The following CACNA1C variants were observed in gnomAD, a reference collection of about 807,000 sequenced individuals.
The protein encoded by CACNA1C is calcium voltage-gated channel subunit alpha1 C.
A neutral mutation model predicts 229.0 loss-of-function variants in CACNA1C; 30 were observed. The observed-to-expected ratio is 0.13, with a 90% CI of 0.10 to 0.18. The LOEUF is 0.18. CACNA1C is among the 10% of genes least tolerant of loss of function. The pLI, the probability that CACNA1C is intolerant of heterozygous loss-of-function variation, is 1.00. For synonymous variants in CACNA1C, 1,114 were observed against 1,132.5 expected (o/e 0.98, Z 0.33); for missense variants, 1,658 against 2,845.0 (o/e 0.58, Z 9.49).
chr12:2,662,864 A>C (rs1012354612), intron 34 of CACNA1C, among the ~76,000 whole-genome samples: 1 of 152,272 alleles, frequency 6.6e-6, no homozygotes, highest in Non-Finnish European at 1.5e-5. Flanking sequence ...TTACGGCAGA[A>C]GAAATATTTC....
intron 3 of CACNA1C, among the ~76,000 whole-genome samples, chr12:2,303,123 G>A (rs1166721139): frequency 6.6e-6 from 1 of 152,260 alleles, no homozygotes; most frequent in African/African-American, 2.4e-5. Flanking sequence ...GTGGTTGCAT[G>A]CTGGAGCCGC....
Position 2,053,625 on chromosome 12 carries a change from C to G in CACNA1C, c.49+14C>G. 6.3e-7 allele frequency: 1 copy of G among 1,582,048 alleles called. No homozygotes were observed. Among genetic ancestry groups the G allele is most frequent in the Non-Finnish European group, 8.6e-7 (1 of 1,165,066 alleles). On this transcript the variant is annotated intron_variant, in intron 1 of 46. Transcript: ENST00000399655. The surrounding 1 kb of genome is among the most constrained non-coding windows in gnomAD (Gnocchi z 5.8). ...AAAACCACCAAGGTAAGGCTGGACC[C>G]CGCCGCCTCGCCGGGGCTCCCTGCC... is the stretch of plus-strand genomic sequence containing the variant.
intron 3 of CACNA1C, among the ~76,000 whole-genome samples, chr12:2,126,422 G>A (rs1366287104): frequency 2.6e-5 from 4 of 152,238 alleles, no homozygotes. Context: ...AACAAGCTCT[G>A]CAAGCGGAGC....
rs2097832064 is a variant in CACNA1C, at chr12:2,695,380, A to C, written c.*4181A>C. ...CAGCCACATCAGCCTACCTGGTGGG[A>C]TGTGGGGGTGTCTGCCACCCTGTCC... On this transcript the variant is annotated 3_prime_UTR_variant, in exon 47 of 47. Transcript: ENST00000399655. The C allele has an allele frequency of 6.6e-6, 1 of 152,332 alleles. No individual in the cohort carries two copies. The highest frequency in any genetic ancestry group is 1.5e-5 in the Non-Finnish European group (1 of 68,192). 9.4% of individuals were successfully genotyped at this position (152,332 alleles called of 1,614,324 possible).
chr12:2,113,774 G>A (rs560341175), intron 1 of CACNA1C, among the ~76,000 whole-genome samples: 1 of 152,344 alleles, frequency 6.6e-6, no homozygotes, highest in East Asian at 1.9e-4. Flanking sequence ...AGGCTGAGCT[G>A]ATCGCTTGGC....
At chr12:2,019,552 AGG>A (rs1273229230) in intron 1 of CACNA1C, among the ~76,000 whole-genome samples, 3 of 146,370 alleles carry the variant, frequency 2.0e-5, no homozygotes, top group African/African-American at 5.2e-5. Context: ...GAAGGAAAGA[AGG>A]AAGGAAGGAA....
intron 1 of CACNA1C, among the ~76,000 whole-genome samples, chr12:2,019,474 C>G (rs1593799940): frequency 1.9e-5 from 1 of 53,858 alleles, no homozygotes; most frequent in Non-Finnish European, 3.4e-5. Flanking sequence ...ATAAACATAA[C>G]AAAGAAAGAA....
intron 3 of CACNA1C, among the ~76,000 whole-genome samples, chr12:2,186,555 T>C (rs1263197414): frequency 6.6e-6 from 1 of 152,202 alleles, no homozygotes; most frequent in African/African-American, 2.4e-5. Context: ...GGTCAGGGTC[T>C]GTGAGACAAA....
At chr12:2,565,587 G>A (rs1477989086) in intron 11 of CACNA1C, among the ~76,000 whole-genome samples, 2 of 152,110 alleles carry the variant, frequency 1.3e-5, no homozygotes, top group Admixed American at 6.5e-5. Context: ...AGGTAATTCT[G>A]TGTGTAGCCA....
At chr12:2,373,429 G>A (rs1457597010) in intron 3 of CACNA1C, among the ~76,000 whole-genome samples, 1 of 152,182 alleles carries the variant, frequency 6.6e-6, no homozygotes, top group African/African-American at 2.4e-5. Flanking sequence ...AGGCTGCAAA[G>A]TGAGTGGTCG....
intron 34 of CACNA1C, chr12:2,660,280 A>AT (rs902569110): frequency 3.0e-4 from 45 of 152,292 alleles, no homozygotes; most frequent in African/African-American, 1.1e-3. Flanking sequence ...GTACAAAAAG[A>AT]TGGGGGGGAG....
chr12:2,289,601 A>G (rs1018662340), intron 3 of CACNA1C, among the ~76,000 whole-genome samples: 1 of 151,870 alleles, frequency 6.6e-6, no homozygotes, highest in African/African-American at 2.4e-5. Flanking sequence ...GGTACTAGGG[A>G]CTGGGGATAC....
At chr12:2,532,832 C>T (rs1050588885) in intron 9 of CACNA1C, among the ~76,000 whole-genome samples, 1 of 152,182 alleles carries the variant, frequency 6.6e-6, no homozygotes. Flanking sequence ...GCAGTCGGGC[C>T]CAGGTGAGCC....
At chr12:2,377,557 A>G (rs1214291783) in intron 3 of CACNA1C, among the ~76,000 whole-genome samples, 3 of 152,032 alleles carry the variant, frequency 2.0e-5, no homozygotes, top group Non-Finnish European at 4.4e-5. Flanking sequence ...TGCAATTTCG[A>G]TTGTGGGAAG....
chr12:2,335,912 G>A (rs1237216156), intron 3 of CACNA1C, among the ~76,000 whole-genome samples: 1 of 151,802 alleles, frequency 6.6e-6, no homozygotes, highest in African/African-American at 2.4e-5. Flanking sequence ...AAAAAATCAA[G>A]GCTGATCCTA....
chr12:2,350,657 C>G (rs2097178479), intron 3 of CACNA1C, among the ~76,000 whole-genome samples: 1 of 152,222 alleles, frequency 6.6e-6, no homozygotes, highest in African/African-American at 2.4e-5. Flanking sequence ...TGGTCACCCC[C>G]TCATATGGGC....
rs1569219272 is a variant in CACNA1C at position 2,679,466 on chromosome 12, A to G, written c.5114A>G (p.Asn1705Ser). Reference sequence around the variant, plus strand: ...CAGAGGGCCGGTGGCCTGTTCGGCAACCACGTCAGCTACTACCAAAGCGAC... The same window carrying G: ...CAGAGGGCCGGTGGCCTGTTCGGCAGCCACGTCAGCTACTACCAAAGCGAC... The part of the protein sequence containing the change: ...IFRRAGGLFG[N>S]HVSYYQSDGR... Residue 1705 changes from asparagine (N) to serine (S), a missense_variant, in exon 42 of 47, where the codon AAC becomes AGC. Physicochemically the swap from Asn to Ser is conservative, Grantham distance 46. This residue lies in a region of CACNA1C where 590 missense variants were observed against 700.8 expected (regional missense o/e 0.84). Transcript: ENST00000399655. This position sits in a 1 kb window ranked among gnomAD's most constrained non-coding sequence, Gnocchi z 5.5. 1 of 1,584,086 alleles carries G rather than the reference A, an allele frequency of 6.3e-7. No homozygotes were observed. Among genetic ancestry groups the G allele is most frequent in the Admixed American group, 1.7e-5 (1 of 57,720 alleles).
intron 11 of CACNA1C, among the ~76,000 whole-genome samples, chr12:2,565,324 G>C (rs551476415): frequency 1.3e-5 from 2 of 151,716 alleles, no homozygotes; most frequent in African/African-American, 4.8e-5. Flanking sequence ...AAAATTAGCC[G>C]GGCGCGGTGG....
chr12:2,311,247 C>T (rs567483108), intron 3 of CACNA1C, among the ~76,000 whole-genome samples: 39 of 152,272 alleles, frequency 2.6e-4, no homozygotes, highest in African/African-American at 4.3e-4. Flanking sequence ...CTGGAAGCAG[C>T]GGCTAGTGGA....
Sources: allele counts gnomAD v4.1 joint callset (sites outside exome capture counted in the v4.1 genomes callset), GRCh38; gene constraint gnomAD v4.1.1; regional missense constraint gnomAD v4.1.1; non-coding constraint Gnocchi (gnomAD v3.1); transcripts MANE v1.5; gene names NCBI Gene and HGNC (gene_info 2026-07-23, HGNC 2026-07-21).